The following STIM1 variants were observed in gnomAD, a reference collection of about 807,000 sequenced individuals.
STIM1 encodes stromal interaction molecule 1.
In STIM1, 25 loss-of-function variants were observed where a neutral mutation model predicts 74.7. The observed-to-expected ratio is 0.33, with a 90% CI of 0.24 to 0.47. STIM1 has a LOEUF of 0.47. Ranked by LOEUF, STIM1 falls within the 20% of genes least tolerant of loss-of-function variation. STIM1 has a pLI of 1.00. For missense variants in STIM1, 728 were observed against 920.8 expected (o/e 0.79, Z 2.71); for synonymous variants, 328 against 348.8 (o/e 0.94, Z 0.66).
At chr11:4,003,846 C>G (rs1007751943) in intron 2 of STIM1, among the ~76,000 whole-genome samples, 13 of 152,138 alleles carry the variant, frequency 8.5e-5, no homozygotes, top group Non-Finnish European at 1.5e-4. Flanking sequence ...ACCCCATTGT[C>G]TCAGCCCAAA....
At chr11:3,861,287 G>T (rs2090594322) in intron 1 of STIM1, among the ~76,000 whole-genome samples, 2 of 150,674 alleles carry the variant, frequency 1.3e-5, no homozygotes, top group African/African-American at 4.9e-5. Context: ...AGGCTGGAGT[G>T]CAGTGGCCCG....
intron 3 of STIM1, among the ~76,000 whole-genome samples, chr11:4,044,115 G>C (rs754232993): frequency 6.6e-6 from 1 of 150,862 alleles, no homozygotes; most frequent in Non-Finnish European, 1.5e-5. Flanking sequence ...TCTCTGATTC[G>C]GTGTAGCATT....
intron 2 of STIM1, among the ~76,000 whole-genome samples, chr11:3,968,538 A>G (rs909324604): frequency 2.0e-5 from 3 of 152,218 alleles, no homozygotes; most frequent in African/African-American, 7.2e-5. Flanking sequence ...GAGGAGTGAC[A>G]TGAGTGATGA....
intron 1 of STIM1, among the ~76,000 whole-genome samples, chr11:3,860,737 T>C (rs981027681): frequency 1.3e-5 from 2 of 152,196 alleles, no homozygotes; most frequent in African/African-American, 4.8e-5. Context: ...GGGTTATTAG[T>C]AGAACTAGAC....
chr11:4,006,891 T>G (rs560292171), intron 2 of STIM1, among the ~76,000 whole-genome samples: 1 of 152,296 alleles, frequency 6.6e-6, no homozygotes, highest in South Asian at 2.1e-4. Flanking sequence ...GAAGTGTTAT[T>G]GATTCTAAGG....
rs1278421182 is a variant in STIM1, at chr11:4,043,792, G to A, written c.386-11734G>A. 2.0e-5 allele frequency among the ~76,000 whole-genome samples: 3 copies of A among 151,994 alleles called. No homozygotes were observed. The highest frequency in any genetic ancestry group is 2.1e-4 in the South Asian group (1 of 4,820). On this transcript the variant is annotated intron_variant, in intron 3 of 12. Transcript: ENST00000526596. ...AGCACTTTGGGAGGCCAAAGTGGGC[G>A]GATCACGAGGTCAGGAGATTGAGAC...
chr11:3,855,236 C>T (rs2090317381), upstream of STIM1: 1 of 152,436 alleles, frequency 6.6e-6, no homozygotes, highest in African/African-American at 2.4e-5. Flanking sequence ...TCCTGGGAGG[C>T]TAACGTCGTG....
At chr11:3,959,734 G>A (rs2093264366) in intron 1 of STIM1, among the ~76,000 whole-genome samples, 1 of 152,184 alleles carries the variant, frequency 6.6e-6, no homozygotes, top group African/African-American at 2.4e-5. Context: ...AGCTATCAAA[G>A]TGTAGTCTTT....
intron 2 of STIM1, among the ~76,000 whole-genome samples, chr11:4,009,610 A>AAATAAT (rs138315167): frequency 6.1e-4 from 91 of 150,262 alleles, no homozygotes; most frequent in Admixed American, 9.3e-4. Context: ...CTCCATCTCA[A>AAATAAT]AATAATAATA....
intron 7 of STIM1, among the ~76,000 whole-genome samples, chr11:4,075,007 G>A (rs551059620): frequency 3.3e-5 from 5 of 152,202 alleles, no homozygotes; most frequent in Admixed American, 6.5e-5. Flanking sequence ...CGGGTGTGGC[G>A]GCGGGCACCT....
At chr11:3,869,113 C>T (rs1003330907) in intron 1 of STIM1, among the ~76,000 whole-genome samples, 21 of 152,060 alleles carry the variant, frequency 1.4e-4, no homozygotes, top group East Asian at 7.7e-4. Flanking sequence ...GGACTACAGG[C>T]GCCAGCCACC....
At chr11:3,918,874 C>G in intron 1 of STIM1, among the ~76,000 whole-genome samples, 1 of 152,198 alleles carries the variant, frequency 6.6e-6, no homozygotes, top group South Asian at 2.1e-4. Flanking sequence ...ATGTTTACTA[C>G]ATAATTAAGC....
intron 2 of STIM1, among the ~76,000 whole-genome samples, chr11:4,023,133 C>T (rs2093971600): frequency 3.9e-5 from 6 of 152,102 alleles, no homozygotes; most frequent in Admixed American, 3.9e-4. Context: ...GAGTTTGAGA[C>T]CAGCCTGGGC....
intron 1 of STIM1, among the ~76,000 whole-genome samples, chr11:3,887,909 G>C (rs150067470): frequency 3.9e-4 from 59 of 150,154 alleles, no homozygotes; most frequent in African/African-American, 1.4e-3. Flanking sequence ...CACGGAGGTT[G>C]CAATGAGTGG....
intron 3 of STIM1, among the ~76,000 whole-genome samples, chr11:4,027,724 G>A (rs752588878): frequency 3.3e-5 from 5 of 152,130 alleles, no homozygotes; most frequent in Admixed American, 6.5e-5. Context: ...TCAGATTGGC[G>A]TAGTGTGGAT....
chr11:3,915,846 A>G (rs1409603250), intron 1 of STIM1, among the ~76,000 whole-genome samples: 3 of 152,166 alleles, frequency 2.0e-5, no homozygotes, highest in Admixed American at 6.5e-5. Context: ...ACTTCAGGTC[A>G]GGAGTTTGGG....
chr11:4,076,857 G>T (rs2094440521), intron 7 of STIM1, among the ~76,000 whole-genome samples: 1 of 150,424 alleles, frequency 6.6e-6, no homozygotes, highest in African/African-American at 2.4e-5. Flanking sequence ...TTCTTTTGCT[G>T]ATTTCTAGTT....
intron 5 of STIM1, among the ~76,000 whole-genome samples, chr11:4,067,223 T>C (rs1445164371): frequency 1.3e-5 from 2 of 152,204 alleles, no homozygotes; most frequent in African/African-American, 4.8e-5. Context: ...AAGTGAATTA[T>C]ATAACAAATT....
chr11:4,056,252 A>G (rs1401089189), intron 4 of STIM1, among the ~76,000 whole-genome samples: 1 of 152,170 alleles, frequency 6.6e-6, no homozygotes, highest in African/African-American at 2.4e-5. Context: ...GATGGCTCCA[A>G]CAGCTGTTGT....
Sources: allele counts gnomAD v4.1 joint callset (sites outside exome capture counted in the v4.1 genomes callset), GRCh38; gene constraint gnomAD v4.1.1; transcripts MANE v1.5; gene names NCBI Gene and HGNC (gene_info 2026-07-23, HGNC 2026-07-21).